The following APP variants were observed in gnomAD, a reference collection of about 807,000 sequenced individuals.
APP encodes the protein amyloid-beta precursor protein.
A neutral mutation model predicts 101.4 loss-of-function variants in APP; 31 were observed. The observed-to-expected ratio is 0.31, with a 90% CI of 0.23 to 0.41. APP has a LOEUF of 0.41. Ranked by LOEUF, APP falls within the 10% of genes least tolerant of loss-of-function variation. The probability of loss-of-function intolerance (pLI) is 1.00; values close to 1 mark genes in which losing one functional copy is unlikely to be tolerated. For synonymous variants in APP, 366 were observed against 364.4 expected (o/e 1.00, Z -0.05); for missense variants, 839 against 1,003.7 (o/e 0.84, Z 2.22).
At chr21:25,952,495 T>G (rs1569098763) in intron 13 of APP, among the ~76,000 whole-genome samples, 2 of 152,272 alleles carry the variant, frequency 1.3e-5, no homozygotes, top group Admixed American at 1.3e-4. Context: ...TTCGTAATAT[T>G]CAAGATATCT....
chr21:26,163,195 ACG>A (rs2063530960), intron 1 of APP, among the ~76,000 whole-genome samples: 1 of 142,664 alleles, frequency 7.0e-6, no homozygotes, highest in Non-Finnish European at 1.5e-5. Flanking sequence ...AAGCCAAGAC[ACG>A]CCACTGCACT....
chr21:26,060,034 A>G (rs1405871086), intron 3 of APP, among the ~76,000 whole-genome samples: 6 of 152,176 alleles, frequency 3.9e-5, no homozygotes, highest in Non-Finnish European at 1.5e-5. Context: ...ACTAGTGCCC[A>G]GAACAAAGTT....
intron 15 of APP, among the ~76,000 whole-genome samples, chr21:25,899,413 T>C (rs1307154789): frequency 6.6e-6 from 1 of 152,168 alleles, no homozygotes; most frequent in Non-Finnish European, 1.5e-5. Context: ...GAACAGAGCA[T>C]GATAGAAGTG....
intron 13 of APP, among the ~76,000 whole-genome samples, chr21:25,921,324 A>C (rs1427300938): frequency 8.5e-6 from 1 of 118,114 alleles, no homozygotes; most frequent in African/African-American, 3.4e-5. Flanking sequence ...AAGAACTAGA[A>C]AAGCAAGAGC....
intron 6 of APP, among the ~76,000 whole-genome samples, chr21:26,005,831 A>G (rs1302205340): frequency 6.6e-6 from 1 of 152,212 alleles, no homozygotes; most frequent in Admixed American, 6.5e-5. Context: ...GAAATTTATA[A>G]ATCAGCCACT....
At chr21:25,996,307 T>C (rs1176192545) in intron 8 of APP, among the ~76,000 whole-genome samples, 2 of 152,146 alleles carry the variant, frequency 1.3e-5, no homozygotes, top group Non-Finnish European at 2.9e-5. Context: ...GAAAGAGGGG[T>C]TCCTAATGTC....
intron 5 of APP, among the ~76,000 whole-genome samples, chr21:26,041,077 A>C (rs2045354341): frequency 6.6e-6 from 1 of 152,212 alleles, no homozygotes; most frequent in Admixed American, 6.5e-5. Context: ...ACATCTCTAA[A>C]TTATTTTCGT....
At position 25,903,132 on chromosome 21, in the gene APP, C is replaced by T. The variant is rs1487073636; in HGVS notation, c.1963+1892G>A. ...CTGTAATCCCAGCACTTTGGGATGC[C>T]GAGGTGGGTGGATCACCTGAGGTCA... On this transcript the variant is annotated intron_variant, in intron 15 of 17. Transcript: ENST00000346798. 5.9e-5 allele frequency among the ~76,000 whole-genome samples: 9 copies of T among 151,970 alleles called. No homozygotes were observed. The South Asian group carries it at 6.3e-4, about 11-fold the overall frequency.
At chr21:25,970,533 G>A (rs1008228440) in intron 11 of APP, among the ~76,000 whole-genome samples, 2 of 152,104 alleles carry the variant, frequency 1.3e-5, no homozygotes, top group Admixed American at 1.3e-4. Context: ...AAAAAAGAGA[G>A]GAACCAAGGA....
intron 8 of APP, among the ~76,000 whole-genome samples, chr21:25,983,408 A>G (rs768669578): frequency 1.3e-5 from 2 of 152,234 alleles, no homozygotes; most frequent in African/African-American, 2.4e-5. Flanking sequence ...AATATCACCA[A>G]TGTTCCAAGT....
intron 1 of APP, among the ~76,000 whole-genome samples, chr21:26,117,536 G>T (rs901347410): frequency 6.6e-6 from 1 of 152,190 alleles, no homozygotes; most frequent in Non-Finnish European, 1.5e-5. Flanking sequence ...AAGGGCACCA[G>T]GTAAGGATAT....
intron 5 of APP, among the ~76,000 whole-genome samples, chr21:26,028,455 A>C (rs2044679025): frequency 6.6e-6 from 1 of 152,210 alleles, no homozygotes; most frequent in African/African-American, 2.4e-5. Context: ...TGAGGCAGGA[A>C]TATCCACATA....
intron 11 of APP, among the ~76,000 whole-genome samples, chr21:25,965,346 T>G (rs2041753536): frequency 6.6e-6 from 1 of 152,246 alleles, no homozygotes; most frequent in South Asian, 2.1e-4. Context: ...TGACATATTC[T>G]TGACTTTTTA....
At chr21:26,024,940 C>G (rs907954269) in intron 5 of APP, among the ~76,000 whole-genome samples, 1 of 152,172 alleles carries the variant, frequency 6.6e-6, no homozygotes, top group Non-Finnish European at 1.5e-5. Flanking sequence ...GCAACTTACT[C>G]ATATGTTAAT....
chr21:25,959,030 T>A (rs2041458880), intron 11 of APP, among the ~76,000 whole-genome samples: 1 of 100 alleles, frequency 0.01, no homozygotes, highest in South Asian at 0.5. Flanking sequence ...AATGGGTTAG[T>A]CTCACTGTCT....
At chr21:26,169,795 G>T (rs960601243) in intron 1 of APP, among the ~76,000 whole-genome samples, 2 of 152,234 alleles carry the variant, frequency 1.3e-5, no homozygotes, top group African/African-American at 4.8e-5. Context: ...AGAGCTTAGG[G>T]TGCGAGCGAA....
chr21:25,900,897 G>T (rs1017417335), intron 15 of APP, among the ~76,000 whole-genome samples: 1 of 146,700 alleles, frequency 6.8e-6, no homozygotes, highest in Admixed American at 6.9e-5. Flanking sequence ...TTAGGCAGGA[G>T]AATGGTGTGA....
intron 17 of APP, among the ~76,000 whole-genome samples, chr21:25,891,028 T>C (rs555266209): frequency 3.9e-5 from 6 of 152,316 alleles, no homozygotes; most frequent in East Asian, 1.9e-4. Flanking sequence ...TAACACTTTT[T>C]CCCCCATCCA....
At chr21:25,914,311 C>CT (rs2039228826) in intron 13 of APP, among the ~76,000 whole-genome samples, 2 of 151,966 alleles carry the variant, frequency 1.3e-5, no homozygotes, top group African/African-American at 4.8e-5. Context: ...ATAGTCTCCT[C>CT]ACTGCTTGCT....
Sources: allele counts gnomAD v4.1 joint callset (sites outside exome capture counted in the v4.1 genomes callset), GRCh38; gene constraint gnomAD v4.1.1; transcripts MANE v1.5; gene names NCBI Gene and HGNC (gene_info 2026-07-23, HGNC 2026-07-21).